SSBP2: variants seen among roughly 807,000 people sequenced by gnomAD.
SSBP2 encodes single-stranded DNA-binding protein 2.
SSBP2 carries 17 observed loss-of-function variants against 61.8 expected under a neutral mutation model. The ratio of observed to expected loss-of-function variants is 0.28; its 90% CI spans 0.19 to 0.41. SSBP2 has a LOEUF of 0.41. SSBP2 is among the 10% of genes least tolerant of loss of function. The probability of loss-of-function intolerance (pLI) is 1.00; values close to 1 mark genes in which losing one functional copy is unlikely to be tolerated. For synonymous variants in SSBP2, 139 were observed against 141.3 expected (o/e 0.98, Z 0.12); for missense variants, 310 against 458.7 (o/e 0.68, Z 2.96).
At chr5:81,702,319 C>G (rs1355914962) in intron 1 of SSBP2, among the ~76,000 whole-genome samples, 1 of 152,122 alleles carries the variant, frequency 6.6e-6, no homozygotes, top group Non-Finnish European at 1.5e-5. Context: ...TCCAGTGAGC[C>G]AAGATGGTGC....
rs558596027 is a variant in SSBP2 at position 81,495,889 on chromosome 5, T to TA, written c.373-6581dup. Among the ~76,000 whole-genome samples, 432 of 151,956 alleles carry TA rather than the reference T, an allele frequency of 2.8e-3. 1 individual carries two copies. The highest frequency in any genetic ancestry group is 4.6e-3 in the Non-Finnish European group (312 of 67,924). ...AAGAAAATTAAAAATCATTAAAAAG[T>TA]AAAAAAAACCCTCTAAAATGTCAAT... is the stretch of plus-strand genomic sequence containing the variant. On this transcript the variant is annotated intron_variant, in intron 5 of 16. Transcript: ENST00000320672.
intron 1 of SSBP2, among the ~76,000 whole-genome samples, chr5:81,701,425 G>A (rs1753976364): frequency 6.6e-6 from 1 of 152,104 alleles, no homozygotes; most frequent in Admixed American, 6.5e-5. Flanking sequence ...AATGTGATGT[G>A]GAGACACAAA....
chr5:81,672,605 CTTG>C (rs1330486491), intron 1 of SSBP2, among the ~76,000 whole-genome samples: 1 of 148,052 alleles, frequency 6.8e-6, no homozygotes, highest in Non-Finnish European at 1.5e-5. Context: ...GAGTTTCACT[CTTG>C]TTGTCCAGGC....
At chr5:81,493,981 C>T (rs185392844) in intron 5 of SSBP2, among the ~76,000 whole-genome samples, 1 of 152,090 alleles carries the variant, frequency 6.6e-6, no homozygotes, top group African/African-American at 2.4e-5. Flanking sequence ...AAAATGACTA[C>T]CCGCTGATTA....
chr5:81,729,073 A>G (rs1160735004), intron 1 of SSBP2, among the ~76,000 whole-genome samples: 2 of 152,214 alleles, frequency 1.3e-5, no homozygotes. Context: ...CTGCATACAT[A>G]TATCAAAACA....
intron 4 of SSBP2, among the ~76,000 whole-genome samples, chr5:81,588,522 CT>C (rs910067797): frequency 1.7e-4 from 26 of 149,042 alleles, no homozygotes; most frequent in South Asian, 8.5e-4. Context: ...TTCAGACTAT[CT>C]TTTTTTTTTC....
intron 5 of SSBP2, among the ~76,000 whole-genome samples, chr5:81,492,031 G>A (rs910609349): frequency 2.0e-5 from 3 of 152,172 alleles, no homozygotes; most frequent in Non-Finnish European, 4.4e-5. Flanking sequence ...ACTAGTATCT[G>A]TACTTCACTA....
In SSBP2 at chr5:81,730,753, T is replaced by C. The variant is rs556669900; in HGVS notation, c.62+20228A>G. On this transcript the variant is annotated intron_variant, in intron 1 of 16. Transcript: ENST00000320672. ...GGTAGAAAGGAAAGAAAAGACTTTT[T>C]ACAGCTCAGTCCAAACTAAAGTAGA... Among the ~76,000 whole-genome samples, 42 of 152,328 alleles carry C rather than the reference T, an allele frequency of 2.8e-4. No homozygotes were observed. The South Asian group carries it at 8.5e-3, about 31-fold the overall frequency.
At position 81,636,443 on chromosome 5, in the gene SSBP2, G is replaced by C. The variant is rs542237343; in HGVS notation, c.197+114C>G. 4.2e-5 allele frequency: 36 copies of C among 860,764 alleles called. No individual in the cohort carries two copies. In the South Asian group the frequency reaches 7.7e-4, roughly 18 times the overall value. 53.3% of individuals were successfully genotyped at this position (860,764 alleles called of 1,614,324 possible). On this transcript the variant is annotated intron_variant, in intron 3 of 16. Coordinates refer to ENST00000320672, the MANE Select transcript of SSBP2 (RefSeq NM_012446.5). ...GTTTTTTAAAAAGTGCTACCTTCCAGAAAATTTTAGAAAATGAAAAAATAA... is the reference window on the plus strand; with the variant it reads ...GTTTTTTAAAAAGTGCTACCTTCCACAAAATTTTAGAAAATGAAAAAATAA...
intron 3 of SSBP2, among the ~76,000 whole-genome samples, chr5:81,636,170 A>G (rs1056802170): frequency 3.3e-5 from 5 of 152,182 alleles, no homozygotes; most frequent in Admixed American, 3.3e-4. Flanking sequence ...GTGACTGTCT[A>G]CAAGTCAGGA....
At chr5:81,457,872 G>A (rs1008298211) in intron 10 of SSBP2, among the ~76,000 whole-genome samples, 32 of 152,164 alleles carry the variant, frequency 2.1e-4, no homozygotes, top group African/African-American at 7.2e-4. Context: ...ATGTTGGCCA[G>A]GCTGGTCTTG....
intron 4 of SSBP2, among the ~76,000 whole-genome samples, chr5:81,607,701 T>C (rs1745014594): frequency 6.6e-6 from 1 of 152,194 alleles, no homozygotes; most frequent in South Asian, 2.1e-4. Context: ...CCTTATACAA[T>C]ACTTGACTAC....
chr5:81,709,748 T>G (rs1030354652), intron 1 of SSBP2, among the ~76,000 whole-genome samples: 1 of 151,882 alleles, frequency 6.6e-6, no homozygotes, highest in Non-Finnish European at 1.5e-5. Context: ...ATTAGTTTCT[T>G]TATAAACCTT....
In SSBP2 at chr5:81,445,136, T is replaced by TATA. The variant is rs1554065500; in HGVS notation, c.778+1731_778+1732insTAT. ...TCTGTCTCAGCAAAGAAAAAAAAAATTTTATATATATATATATATATATAT... is the reference window on the plus strand; with the variant it reads ...TCTGTCTCAGCAAAGAAAAAAAAAATATATTTATATATATATATATATATATAT... On this transcript the variant is annotated intron_variant, in intron 12 of 16. Transcript: ENST00000320672. Among the ~76,000 whole-genome samples the TATA allele has an allele frequency of 1.8e-4, 2 of 10,912 alleles. 1 individual carries two copies. Among genetic ancestry groups the TATA allele is most frequent in the African/African-American group, 2.2e-3 (2 of 922 alleles). 7.2% of individuals were successfully genotyped at this position (10,912 alleles called of 152,430 possible). A position where few individuals can be genotyped will look rare whatever the true frequency, so the allele number is the denominator to read the frequency against.
rs752312538 is a variant in SSBP2, at chr5:81,750,997, T to A, written c.46A>T (p.Ser16Cys). 1.3e-6 allele frequency: 2 copies of A among 1,598,988 alleles called. No individual in the cohort carries two copies. Among genetic ancestry groups the A allele is most frequent in the Non-Finnish European group, 1.7e-6 (2 of 1,173,064 alleles). The change falls in exon 1 of 17, where the codon AGC becomes TGC. Residue 16 changes from serine (S) to cysteine (C), a missense_variant. Physicochemically the swap from Ser to Cys is moderately radical, Grantham distance 112 (BLOSUM62 -1). Transcript: ENST00000320672. ...GACACTTACTTCTCCCGGGCCTGGC[T>A]GTCGGACGGGACGGCGCTGCTGTTA...
rs140170758 is a variant in SSBP2, at chr5:81,674,367, A to G, written c.63-24028T>C. Among the ~76,000 whole-genome samples, 917 of 152,294 alleles carry G rather than the reference A, an allele frequency of 6.0e-3. 10 individuals carry two copies. The highest frequency in any genetic ancestry group is 0.021 in the African/African-American group (862 of 41,570). On this transcript the variant is annotated intron_variant, in intron 1 of 16. Transcript: ENST00000320672. ...AAGATAAACTCTATTTCTTCACAAT[A>G]TAAGTCTGTGTGGTTCCCCATGGCT...
Position 81,596,570 on chromosome 5 carries a change from G to A in SSBP2, c.282+18903C>T, listed in dbSNP as rs1327206650. Among the ~76,000 whole-genome samples, 96 of 40,946 alleles carry A rather than the reference G, an allele frequency of 2.3e-3. 2 individuals are homozygous for A. Among genetic ancestry groups the A allele is most frequent in the African/African-American group, 9.5e-3 (73 of 7,670 alleles). 26.9% of individuals were successfully genotyped at this position (40,946 alleles called of 152,430 possible). On this transcript the variant is annotated intron_variant, in intron 4 of 16. Coordinates refer to ENST00000320672, the MANE Select transcript of SSBP2 (RefSeq NM_012446.5). ...AAAAGAACAAAGCTGGAGGCATCAC[G>A]CTACCTGACTTCAAACTATACTACA... is the stretch of plus-strand genomic sequence containing the variant.
intron 4 of SSBP2, among the ~76,000 whole-genome samples, chr5:81,614,315 G>C (rs1330755932): frequency 7.8e-6 from 1 of 128,356 alleles, no homozygotes; most frequent in Non-Finnish European, 1.6e-5. Context: ...AGCCGAGATT[G>C]CGCCACCGCA....
At chr5:81,750,864 A>ACCCCCCC in intron 1 of SSBP2, 117 bp downstream of exon 1, 1 of 836,502 alleles carries the variant, frequency 1.2e-6, no homozygotes, top group Non-Finnish European at 1.7e-6. Context: ...TCCCCCTGCC[A>ACCCCCCC]GCCCACCCCC....
Sources: allele counts gnomAD v4.1 joint callset (sites outside exome capture counted in the v4.1 genomes callset), GRCh38; gene constraint gnomAD v4.1.1; transcripts MANE v1.5; gene names NCBI Gene and HGNC (gene_info 2026-07-23, HGNC 2026-07-21).